Variants in TACC1 observed in about 807,000 individuals in gnomAD.
TACC1 encodes the protein transforming acidic coiled-coil containing protein 1, also known as transforming acidic coiled-coil-containing protein 1.
Under a neutral mutation model 84.4 loss-of-function variants are expected in TACC1, and 48 were observed. The observed-to-expected ratio is 0.57, with a 90% CI of 0.45 to 0.72. The LOEUF (loss-of-function observed/expected upper bound fraction) is 0.72. Among genes scored for constraint, TACC1 ranks in the 30% least tolerant of loss-of-function variants. The probability of loss-of-function intolerance (pLI) is 0.00; values close to 1 mark genes in which losing one functional copy is unlikely to be tolerated. For synonymous variants in TACC1, 372 were observed against 376.3 expected (o/e 0.99, Z 0.13); for missense variants, 920 against 973.0 (o/e 0.95, Z 0.72).
At chr8:38,806,422 T>G (rs1455418231) in intron 2 of TACC1, among the ~76,000 whole-genome samples, 1 of 152,000 alleles carries the variant, frequency 6.6e-6, no homozygotes, top group Non-Finnish European at 1.5e-5. Context: ...GGGGGGGCTC[T>G]CTAGCATGAT....
chr8:38,771,227 C>T lies in TACC1; in HGVS notation c.27-17477C>T, dbSNP rs529285276. On this transcript the variant is annotated intron_variant, in intron 3 of 14. Coordinates refer to the TACC1 transcript ENST00000518415. ...TCAGGCCTGAGTCACTTGCCCAACC[C>T]TGGAGTTGGAGTTGGGGATGGAGCC... Among the ~76,000 whole-genome samples, 14 of 152,154 alleles carry T rather than the reference C, an allele frequency of 9.2e-5. No homozygotes were observed. The South Asian group carries it at 2.7e-3, about 29-fold the overall frequency.
At chr8:38,836,919 T>C (rs1423852184) in intron 7 of TACC1, among the ~76,000 whole-genome samples, 1 of 152,124 alleles carries the variant, frequency 6.6e-6, no homozygotes, top group African/African-American at 2.4e-5. Context: ...GTGGCAATTT[T>C]ATTTTTATAG....
intron 6 of TACC1, 97 bp downstream of exon 6, chr8:38,831,274 G>A: frequency 6.6e-6 from 8 of 1,212,948 alleles, no homozygotes; most frequent in Non-Finnish European, 9.7e-6. Flanking sequence ...TCAGTGTTAG[G>A]TGATGAGGAT....
chr8:38,788,703 G>A lies in TACC1; in HGVS notation c.162-1G>A. ...AATTCCTCATTTTTCCTCCTTGGCA[G>A]CTCGGATTCTGAAGGTAATTTTGAG... On this transcript the variant is annotated splice_acceptor_variant, in intron 1 of 12. Transcript: ENST00000317827. LOFTEE classifies it high-confidence loss of function. The A allele has an allele frequency of 6.2e-7, 1 of 1,610,362 alleles. No individual in the cohort carries two copies. Among genetic ancestry groups the A allele is most frequent in the Non-Finnish European group, 8.5e-7 (1 of 1,177,612 alleles).
intron 1 of TACC1, among the ~76,000 whole-genome samples, chr8:38,729,985 T>C (rs965640772): frequency 6.6e-6 from 1 of 152,228 alleles, no homozygotes; most frequent in Non-Finnish European, 1.5e-5. Context: ...ACCAGGGACC[T>C]CCTCTTCCCA....
intron 1 of TACC1, among the ~76,000 whole-genome samples, chr8:38,736,652 G>A (rs1806022129): frequency 6.6e-6 from 1 of 152,094 alleles, no homozygotes; most frequent in African/African-American, 2.4e-5. Context: ...ACCTTTACAG[G>A]TTCCAGAGAT....
At chr8:38,742,310 G>GT in intron 1 of TACC1, 1 of 889,018 alleles carries the variant, frequency 1.1e-6, no homozygotes, top group Non-Finnish European at 1.6e-6. Flanking sequence ...CTTACCTTAT[G>GT]ATTAAGCATG....
At chr8:38,822,371 C>T (rs56378559) in intron 3 of TACC1, among the ~76,000 whole-genome samples, 5 of 150,536 alleles carry the variant, frequency 3.3e-5, no homozygotes, top group Non-Finnish European at 7.4e-5. Flanking sequence ...AAAAATAATA[C>T]ACCTGTATAG....
intron 2 of TACC1, among the ~76,000 whole-genome samples, chr8:38,796,659 T>G (rs555614040): frequency 2.6e-5 from 4 of 152,240 alleles, no homozygotes; most frequent in Non-Finnish European, 5.9e-5. Flanking sequence ...GCTTCCTCAA[T>G]GCCTAGCTTC....
upstream of TACC1, among the ~76,000 whole-genome samples, chr8:38,782,971 T>G (rs1816326590): frequency 6.6e-6 from 1 of 152,088 alleles, no homozygotes; most frequent in African/African-American, 2.4e-5. Context: ...AAAGTGAACT[T>G]TCTTATAAAG....
At chr8:38,831,711 G>A (rs1031561895) in intron 6 of TACC1, among the ~76,000 whole-genome samples, 12 of 151,942 alleles carry the variant, frequency 7.9e-5, no homozygotes, top group Non-Finnish European at 2.9e-5. Flanking sequence ...ACCTAGGCTG[G>A]TCTCAAACTC....
intron 2 of TACC1, among the ~76,000 whole-genome samples, chr8:38,816,795 G>A (rs1360082795): frequency 6.6e-6 from 1 of 152,140 alleles, no homozygotes; most frequent in African/African-American, 2.4e-5. Context: ...CTGTCATTTA[G>A]GGGTATTTAT....
chr8:38,819,394 A>G, intron 2 of TACC1, 128 bp from the exon 3 acceptor site: 1 of 1,111,088 alleles, frequency 9.0e-7, no homozygotes, highest in Non-Finnish European at 1.3e-6. Context: ...TCCTTCCTGA[A>G]CTTTAGAGAT....
intron 2 of TACC1, among the ~76,000 whole-genome samples, chr8:38,800,110 G>A (rs547683517): frequency 6.6e-5 from 10 of 152,330 alleles, no homozygotes; most frequent in East Asian, 3.9e-4. Context: ...CCAGTGAGCC[G>A]TAATCGCCCC....
chr8:38,820,554 G>A lies in TACC1; in HGVS notation c.1310G>A (p.Ser437Asn). Reference sequence around the variant, plus strand: ...TTTAAACCAACTACGACCTTAACAAGCAGTGACTTTTGTTCTCCCACTGGT... The same window carrying A: ...TTTAAACCAACTACGACCTTAACAAACAGTGACTTTTGTTCTCCCACTGGT... Reference protein sequence around the residue: ...DPFKPTTTLTSSDFCSPTGNH... With the variant: ...DPFKPTTTLTNSDFCSPTGNH... Residue 437 changes from serine (S) to asparagine (N), a missense_variant, in exon 3 of 13, where the codon AGC (serine) becomes AAC (asparagine). Ser to Asn is a conservative substitution (Grantham distance 46, BLOSUM62 1). Around this residue, in one of 2 missense-constraint regions of TACC1, gnomAD observed 762 missense variants for 747.3 expected, o/e 1.02. Transcript: ENST00000317827. 2 of 1,614,000 alleles carry A rather than the reference G, an allele frequency of 1.2e-6. No individual in the cohort carries two copies. Among genetic ancestry groups the A allele is most frequent in the Non-Finnish European group, 1.7e-6 (2 of 1,180,034 alleles).
At position 38,788,780 on chromosome 8, in the gene TACC1, C is replaced by G. The variant is rs1027482703; in HGVS notation, c.238C>G (p.Pro80Ala). ...ATCACCTTTCAAGGAGTCCTGTGAT[C>G]CATCACTCGGATTGGCAGGACCTGG... ...IRSPFKESCD[P>A]SLGLAGPGAK... Residue 80 changes from proline to alanine, a missense_variant, in exon 2 of 13, where the codon CCA becomes GCA. By Grantham distance (27) the Pro-to-Ala change is conservative. Transcript: ENST00000317827. 13 of 1,613,584 alleles carry G rather than the reference C, an allele frequency of 8.1e-6. No homozygotes were observed. The highest frequency in any genetic ancestry group is 1.1e-5 in the Non-Finnish European group (13 of 1,179,784).
intron 2 of TACC1, among the ~76,000 whole-genome samples, chr8:38,813,099 C>A (rs986878885): frequency 2.6e-5 from 4 of 152,140 alleles, no homozygotes; most frequent in African/African-American, 9.7e-5. Context: ...CTCAAACGCC[C>A]TTAAAATTTT....
intron 3 of TACC1, among the ~76,000 whole-genome samples, chr8:38,776,807 T>C (rs755656147): frequency 2.0e-5 from 3 of 152,210 alleles, no homozygotes; most frequent in Non-Finnish European, 4.4e-5. Context: ...TGTAATCCTG[T>C]TCAGAAGAAT....
In TACC1 at chr8:38,819,503, T is replaced by C. The variant is rs1361118550; in HGVS notation, c.278-19T>C. The C allele has an allele frequency of 6.3e-7, 1 of 1,589,552 alleles. No individual in the cohort carries two copies. The highest frequency in any genetic ancestry group is 2.2e-5 in the East Asian group (1 of 44,482). On this transcript the variant is annotated intron_variant, in intron 2 of 12. Coordinates refer to ENST00000317827, the MANE Select transcript of TACC1 (RefSeq NM_006283.3). ...TGACAGATAATTCTTTAATAGATGG[T>C]TTTTGTGTTTCATTTTAGAATCACA... is the stretch of plus-strand genomic sequence containing the variant.
Sources: gnomAD v4.1 joint callset for allele counts (sites outside exome capture counted in the v4.1 genomes callset) on GRCh38, gnomAD v4.1.1 for gene constraint, gnomAD v4.1.1 regional missense constraint, MANE v1.5 for transcripts, NCBI Gene and HGNC (gene_info 2026-07-23, HGNC 2026-07-21) for gene names.